Variants in PTPRD observed in about 807,000 individuals in gnomAD.
PTPRD encodes the protein receptor-type tyrosine-protein phosphatase delta.
PTPRD carries 34 observed loss-of-function variants against 214.5 expected under a neutral mutation model. That is an observed-to-expected ratio of 0.16 (90% confidence interval 0.12 to 0.21). The LOEUF (loss-of-function observed/expected upper bound fraction) is 0.21, where lower values mean the gene tolerates loss of function less well. PTPRD is among the 10% of genes least tolerant of loss of function. PTPRD has a pLI of 1.00. For missense variants in PTPRD, 2,545 were observed against 2,398.7 expected (o/e 1.06, Z -1.27); for synonymous variants, 1,128 against 845.7 (o/e 1.33, Z -5.79).
intron 4 of PTPRD, among the ~76,000 whole-genome samples, chr9:10,007,732 T>A (rs566151031): frequency 3.9e-5 from 6 of 152,026 alleles, no homozygotes; most frequent in Non-Finnish European, 8.8e-5. Flanking sequence ...AATAAAATTG[T>A]GAATAGCTTC....
intron 9 of PTPRD, among the ~76,000 whole-genome samples, chr9:9,260,086 T>C (rs2099979437): frequency 6.6e-6 from 1 of 151,862 alleles, no homozygotes; most frequent in African/African-American, 2.4e-5. Flanking sequence ...TTATGAGCTT[T>C]GAGATGACAT....
intron 9 of PTPRD, among the ~76,000 whole-genome samples, chr9:9,336,296 A>G (rs2044452834): frequency 6.6e-6 from 1 of 152,168 alleles, no homozygotes; most frequent in Non-Finnish European, 1.5e-5. Context: ...AGATAAAAGA[A>G]TGATACACAT....
intron 21 of PTPRD, among the ~76,000 whole-genome samples, chr9:8,515,494 C>A (rs1201016799): frequency 1.3e-5 from 2 of 152,118 alleles, no homozygotes; most frequent in Non-Finnish European, 2.9e-5. Flanking sequence ...CAGAGCATAA[C>A]CTTATTTCAA....
chr9:8,462,782 T>A (rs2096449466), intron 32 of PTPRD, among the ~76,000 whole-genome samples: 1 of 151,984 alleles, frequency 6.6e-6, no homozygotes, highest in Non-Finnish European at 1.5e-5. Flanking sequence ...CACAGCTAAA[T>A]TTTTATTTAG....
intron 6 of PTPRD, among the ~76,000 whole-genome samples, chr9:9,754,676 T>C (rs2098552115): frequency 6.6e-6 from 1 of 152,064 alleles, no homozygotes; most frequent in Admixed American, 6.6e-5. Context: ...AATCACAAAG[T>C]ATAATTGGAA....
At chr9:8,748,522 C>CAAAAAAA (rs1239091825) in intron 11 of PTPRD, among the ~76,000 whole-genome samples, 20 of 37,780 alleles carry the variant, frequency 5.3e-4, no homozygotes, top group Non-Finnish European at 7.3e-4. Flanking sequence ...CCTGCAACTG[C>CAAAAAAA]AAAAAAAAAA....
intron 8 of PTPRD, among the ~76,000 whole-genome samples, chr9:9,494,805 A>G (rs1724994684): frequency 6.6e-6 from 1 of 152,232 alleles, no homozygotes; most frequent in Non-Finnish European, 1.5e-5. Flanking sequence ...CAGAAATAGG[A>G]AACCCAACCT....
intron 12 of PTPRD, among the ~76,000 whole-genome samples, chr9:8,689,910 C>A (rs560660171): frequency 1.3e-5 from 2 of 152,030 alleles, no homozygotes; most frequent in South Asian, 4.2e-4. Flanking sequence ...GAGTTCAAGA[C>A]CAGCCTAGCC....
At chr9:8,717,879 C>T (rs1357957900) in intron 12 of PTPRD, among the ~76,000 whole-genome samples, 1 of 152,208 alleles carries the variant, frequency 6.6e-6, no homozygotes, top group African/African-American at 2.4e-5. Flanking sequence ...CAATAAGGAA[C>T]CCGCTCCTGG....
intron 9 of PTPRD, among the ~76,000 whole-genome samples, chr9:9,258,419 G>T (rs911373035): frequency 2.0e-5 from 3 of 148,860 alleles, no homozygotes; most frequent in African/African-American, 7.4e-5. Flanking sequence ...TTCATTGCAC[G>T]CTTCTATTAA....
intron 3 of PTPRD, among the ~76,000 whole-genome samples, chr9:10,046,376 A>C (rs949381673): frequency 6.6e-5 from 10 of 151,878 alleles, no homozygotes; most frequent in African/African-American, 2.4e-4. Context: ...TGAGAAACTT[A>C]AATTATAGCC....
chr9:9,832,291 AT>A (rs897543755), intron 5 of PTPRD, among the ~76,000 whole-genome samples: 13 of 152,028 alleles, frequency 8.6e-5, no homozygotes, highest in Non-Finnish European at 1.8e-4. Context: ...TAGACAATGC[AT>A]AGCAGGCAAC....
intron 2 of PTPRD, among the ~76,000 whole-genome samples, chr9:10,538,124 C>T (rs577611520): frequency 2.0e-4 from 30 of 152,108 alleles, no homozygotes; most frequent in African/African-American, 4.8e-4. Flanking sequence ...GCTTGAATCA[C>T]AGTGCCTATC....
intron 11 of PTPRD, among the ~76,000 whole-genome samples, chr9:9,006,923 G>A (rs779068228): frequency 2.0e-5 from 3 of 151,966 alleles, no homozygotes; most frequent in Admixed American, 6.6e-5. Flanking sequence ...AATGTAGACA[G>A]TAAATCTAAT....
At chr9:8,604,771 A>C (rs556020713) in intron 14 of PTPRD, among the ~76,000 whole-genome samples, 12 of 152,186 alleles carry the variant, frequency 7.9e-5, no homozygotes, top group Non-Finnish European at 1.5e-4. Context: ...GAAATCAAGT[A>C]AGTCTGTGAG....
At chr9:9,502,816 T>C (rs1184845500) in intron 8 of PTPRD, among the ~76,000 whole-genome samples, 1 of 151,884 alleles carries the variant, frequency 6.6e-6, no homozygotes. Context: ...GCAAAGAAGC[T>C]ACATGCAAAA....
At chr9:8,495,888 C>A (rs977721084) in intron 26 of PTPRD, among the ~76,000 whole-genome samples, 2 of 152,130 alleles carry the variant, frequency 1.3e-5, no homozygotes, top group Non-Finnish European at 2.9e-5. Context: ...TCTTGCCAGC[C>A]TTTAACTCAT....
chr9:9,766,932 T>C (rs1467897276), intron 5 of PTPRD, 81 bp from the exon 6 acceptor site: 3 of 152,250 alleles, frequency 2.0e-5, no homozygotes, highest in Non-Finnish European at 1.5e-5. Context: ...AAAACTAAAA[T>C]AAGAACAAAT....
At chr9:9,490,833 G>GA (rs910000352) in intron 8 of PTPRD, among the ~76,000 whole-genome samples, 9 of 151,590 alleles carry the variant, frequency 5.9e-5, no homozygotes, top group Non-Finnish European at 1.0e-4. Flanking sequence ...GACACTTATA[G>GA]AAAAAAATAG....
Sources: allele counts gnomAD v4.1 joint callset (sites outside exome capture counted in the v4.1 genomes callset), GRCh38; gene constraint gnomAD v4.1.1; transcripts MANE v1.5; gene names NCBI Gene and HGNC (gene_info 2026-07-23, HGNC 2026-07-21).